EPB41L1: variants seen among roughly 807,000 people sequenced by gnomAD.
EPB41L1 encodes the protein erythrocyte membrane protein band 4.1 like 1.
In EPB41L1, 29 loss-of-function variants were observed where a neutral mutation model predicts 97.8. That is an observed-to-expected ratio of 0.30 (90% CI 0.22 to 0.40). EPB41L1 has a LOEUF of 0.40. Ranked by LOEUF, EPB41L1 falls within the 10% of genes least tolerant of loss-of-function variation. The pLI, the probability that EPB41L1 is intolerant of heterozygous loss-of-function variation, is 1.00. For synonymous variants in EPB41L1, 383 were observed against 459.2 expected, an observed-to-expected ratio of 0.83 and a Z score of 2.12; for missense variants, 812 against 1,162.3, an observed-to-expected ratio of 0.70 and a Z score of 4.38.
At chr20:36,091,662 A>G (rs910210622) in intron 1 of EPB41L1, 1 of 152,208 alleles carries the variant, frequency 6.6e-6, no homozygotes, top group Non-Finnish European at 1.5e-5. Flanking sequence ...CTTCCAGTAA[A>G]ACCCTGGCAA....
Position 36,206,512 on chromosome 20 carries a change from C to T in EPB41L1, c.1669-2976C>T, listed in dbSNP as rs1357518161. On this transcript the variant is annotated intron_variant, in intron 14 of 21. Transcript: ENST00000338074. The surrounding 1 kb of genome is among the most constrained non-coding windows in gnomAD (Gnocchi z 5.5). ...AGAAAAAGACTCAGAAGACCAAGTCCTCCCTCCACCCCTGGAGGAGAGAAA... is the reference window on the plus strand; with the variant it reads ...AGAAAAAGACTCAGAAGACCAAGTCTTCCCTCCACCCCTGGAGGAGAGAAA... 1 of 1,289,834 alleles carries T rather than the reference C, an allele frequency of 7.8e-7. No individual in the cohort carries two copies. Among genetic ancestry groups the T allele is most frequent in the Non-Finnish European group, 1.0e-6 (1 of 988,870 alleles). The allele number at this position is 1,289,834 out of a possible 1,614,324, so 79.9% of individuals were successfully genotyped here.
chr20:36,161,931 G>T (rs190277136), intron 1 of EPB41L1, among the ~76,000 whole-genome samples: 1 of 148,650 alleles, frequency 6.7e-6, no homozygotes, highest in South Asian at 2.1e-4. Flanking sequence ...CGGCTAATTT[G>T]GGGGGGGCAC....
chr20:36,164,224 C>T (rs1230321731), intron 1 of EPB41L1, among the ~76,000 whole-genome samples: 1 of 152,208 alleles, frequency 6.6e-6, no homozygotes, highest in Non-Finnish European at 1.5e-5. Context: ...ATGGGCCAGC[C>T]TCCTGCTTCT....
At position 36,209,967 on chromosome 20, in the gene EPB41L1, G is replaced by T; in HGVS notation, c.2079+69G>T. On this transcript the variant is annotated intron_variant, in intron 15 of 21. Coordinates refer to ENST00000338074, the MANE Select transcript of EPB41L1 (RefSeq NM_012156.2). This position sits in a 1 kb window ranked among gnomAD's most constrained non-coding sequence, Gnocchi z 4.2. ...ATGCTCAGAGGGCCCTGGGCCACCC[G>T]TGAGAAGACCGAGCACCCAGCCTGC... 1 of 1,571,444 alleles carries T rather than the reference G, an allele frequency of 6.4e-7. No individual in the cohort carries two copies. Among genetic ancestry groups the T allele is most frequent in the Non-Finnish European group, 8.6e-7 (1 of 1,157,792 alleles).
chr20:36,128,159 G>A (rs1004407838), intron 2 of EPB41L1, among the ~76,000 whole-genome samples: 3 of 152,102 alleles, frequency 2.0e-5, no homozygotes, highest in Non-Finnish European at 4.4e-5. Context: ...ACCTTGGGAG[G>A]GTGGCTCAGT....
In EPB41L1 at chr20:36,173,687, C is replaced by T. The variant is rs553961201; in HGVS notation, c.-14-77C>T. The T allele has an allele frequency of 1.9e-4, 250 of 1,314,200 alleles. No individual in the cohort carries two copies. In the East Asian group the frequency reaches 4.9e-3, roughly 26 times the overall value. The allele number at this position is 1,314,200 out of a possible 1,614,324, so 81.4% of individuals were successfully genotyped here. ...GTTTGCCTCCATCTGTCTCTCTCCG[C>T]GTGTGGTTCCTGCCCCTCTCGCTGT... On this transcript the variant is annotated intron_variant, in intron 1 of 21. Coordinates refer to ENST00000338074, the MANE Select transcript of EPB41L1 (RefSeq NM_012156.2).
intron 12 of EPB41L1, 87 bp downstream of exon 12, chr20:36,194,447 T>C: frequency 6.6e-7 from 1 of 1,509,422 alleles, no homozygotes. Flanking sequence ...TTCACATGCC[T>C]CCAGCTGTGG....
At chr20:36,130,787 T>TTCTCTCTCTCTCTC (rs35428172) in intron 2 of EPB41L1, among the ~76,000 whole-genome samples, 1 of 143,666 alleles carries the variant, frequency 7.0e-6, no homozygotes, top group Admixed American at 7.0e-5. Context: ...TTTTAAAAAT[T>TTCTCTCTCTCTCTC]TCTCTCTCTC....
At position 36,188,581 on chromosome 20, in the gene EPB41L1, A is replaced by AACACAC. The variant is rs55990020; in HGVS notation, c.1026+138_1026+143dup. On this transcript the variant is annotated intron_variant, in intron 9 of 21. Coordinates refer to ENST00000338074, the MANE Select transcript of EPB41L1 (RefSeq NM_012156.2). ...CCCTGGCAGCTGGGCCTGGACTGCC[A>AACACAC]ACACACACACACACACACACACACA... The AACACAC allele has an allele frequency of 7.8e-3, 3,622 of 466,908 alleles. 91 individuals carry two copies. Among genetic ancestry groups the AACACAC allele is most frequent in the African/African-American group, 0.034 (941 of 27,556 alleles). 28.9% of individuals were successfully genotyped at this position (466,908 alleles called of 1,614,324 possible).
intron 2 of EPB41L1, among the ~76,000 whole-genome samples, chr20:36,145,714 C>A (rs2059807050): frequency 6.6e-6 from 1 of 152,250 alleles, no homozygotes; most frequent in South Asian, 2.1e-4. Flanking sequence ...TGTTCTACAT[C>A]TGCACCGTCC....
In EPB41L1 at chr20:36,219,778, C is replaced by A. The variant is rs1479827900; in HGVS notation, c.2373C>A (p.Val791=). The part of the protein sequence containing the change: ...RSLSPIIGKD[V]LTSTYGATAE... ...TTCTGCAGATCATCGGGAAAGATGT[C>A]CTCACCAGCACCTACGGCGCCACTG... is the stretch of plus-strand genomic sequence containing the variant. The change falls in exon 19 of 22, where the codon GTC becomes GTA. Residue 791 remains valine (V), a synonymous_variant. Coordinates refer to ENST00000338074, the MANE Select transcript of EPB41L1 (RefSeq NM_012156.2). 6 of 1,614,178 alleles carry A rather than the reference C, an allele frequency of 3.7e-6. No homozygotes were observed. The highest frequency in any genetic ancestry group is 5.1e-6 in the Non-Finnish European group (6 of 1,180,018).
At chr20:36,225,772 C>T (rs886381470) in intron 21 of EPB41L1, among the ~76,000 whole-genome samples, 3 of 152,092 alleles carry the variant, frequency 2.0e-5, no homozygotes, top group Non-Finnish European at 2.9e-5. Flanking sequence ...GAACCAGGCC[C>T]CCAGGCTCCC....
intron 2 of EPB41L1, among the ~76,000 whole-genome samples, chr20:36,123,577 A>G (rs1211713879): frequency 2.0e-5 from 3 of 152,176 alleles, no homozygotes; most frequent in African/African-American, 7.2e-5. Context: ...AGTAGCTGGT[A>G]TTACAGGCAT....
Position 36,212,168 on chromosome 20 carries a change from T to C in EPB41L1, c.2080-104T>C. The C allele has an allele frequency of 9.3e-7, 1 of 1,071,864 alleles. No homozygotes were observed. Among genetic ancestry groups the C allele is most frequent in the East Asian group, 2.4e-5 (1 of 41,822 alleles). The allele number at this position is 1,071,864 out of a possible 1,614,324, so 66.4% of individuals were successfully genotyped here. A position where few individuals can be genotyped will look rare whatever the true frequency, so the allele number is the denominator to read the frequency against. ...GTACCCTTCCAGAGATGTGGCCAGCTGTGGGGATAGGAGATAGCCTGCAGA... is the reference window on the plus strand; with the variant it reads ...GTACCCTTCCAGAGATGTGGCCAGCCGTGGGGATAGGAGATAGCCTGCAGA... On this transcript the variant is annotated intron_variant, in intron 15 of 21. Transcript: ENST00000338074. This position sits in a 1 kb window ranked among gnomAD's most constrained non-coding sequence, Gnocchi z 4.8.
chr20:36,176,477 G>C (rs1430795128), intron 3 of EPB41L1, among the ~76,000 whole-genome samples: 1 of 152,160 alleles, frequency 6.6e-6, no homozygotes, highest in African/African-American at 2.4e-5. Flanking sequence ...GGGTGTCCTT[G>C]CTACTGAGAT....
At chr20:36,131,504 C>T (rs910210840) in intron 2 of EPB41L1, among the ~76,000 whole-genome samples, 5 of 152,188 alleles carry the variant, frequency 3.3e-5, no homozygotes, top group South Asian at 2.1e-4. Flanking sequence ...CATCCTAAGG[C>T]GGGAGGCAGA....
chr20:36,125,932 A>G (rs917182765), intron 2 of EPB41L1, among the ~76,000 whole-genome samples: 1 of 151,764 alleles, frequency 6.6e-6, no homozygotes, highest in African/African-American at 2.4e-5. Flanking sequence ...GAGACAGAGA[A>G]CGGACAGTGT....
At chr20:36,168,822 T>G (rs6058430) in intron 1 of EPB41L1, among the ~76,000 whole-genome samples, 56,586 of 151,636 alleles carry the variant, frequency 0.37, 13,915 homozygotes, top group African/African-American at 0.71. Context: ...AAAGTGCTGG[T>G]ATTACAGGCG....
At position 36,207,384 on chromosome 20, in the gene EPB41L1, G is replaced by A. The variant is rs1429247246; in HGVS notation, c.1669-2104G>A. 1 of 1,289,564 alleles carries A rather than the reference G, an allele frequency of 7.8e-7. No individual in the cohort carries two copies. The highest frequency in any genetic ancestry group is 1.2e-5 in the South Asian group (1 of 81,020). 79.9% of individuals were successfully genotyped at this position (1,289,564 alleles called of 1,614,324 possible). A position where few individuals can be genotyped will look rare whatever the true frequency, so the allele number is the denominator to read the frequency against. On this transcript the variant is annotated intron_variant, in intron 14 of 21. Transcript: ENST00000338074. The surrounding 1 kb of genome is among the most constrained non-coding windows in gnomAD (Gnocchi z 4.9). Reference sequence around the variant, plus strand: ...TCCCTTCAGGGAAGCGAAGGGAGATGACCTCTTTCCAGGCTGGGGACCAAG... The same window carrying A: ...TCCCTTCAGGGAAGCGAAGGGAGATAACCTCTTTCCAGGCTGGGGACCAAG...
Sources: allele counts gnomAD v4.1 joint callset (sites outside exome capture counted in the v4.1 genomes callset), GRCh38; gene constraint gnomAD v4.1.1; non-coding constraint Gnocchi (gnomAD v3.1); transcripts MANE v1.5; gene names NCBI Gene and HGNC (gene_info 2026-07-23, HGNC 2026-07-21).